PLXNA4: variants seen among roughly 807,000 people sequenced by gnomAD.
PLXNA4 encodes the protein plexin-A4.
A neutral mutation model predicts 191.8 loss-of-function variants in PLXNA4; 44 were observed. The observed-to-expected ratio is 0.23, with a 90% CI of 0.18 to 0.29. PLXNA4 has a LOEUF of 0.29. Ranked by LOEUF, PLXNA4 falls within the 10% of genes least tolerant of loss-of-function variation. PLXNA4 has a pLI of 1.00. For synonymous variants in PLXNA4, 1,082 were observed against 1,009.5 expected (o/e 1.07, Z -1.36); for missense variants, 1,800 against 2,488.8 (o/e 0.72, Z 5.89).
chr7:132,263,815 C>G (rs911349138), intron 4 of PLXNA4, among the ~76,000 whole-genome samples: 3 of 152,142 alleles, frequency 2.0e-5, no homozygotes, highest in African/African-American at 7.2e-5. Flanking sequence ...CAAGGAGTTG[C>G]TGGGTAGGTT....
intron 3 of PLXNA4, among the ~76,000 whole-genome samples, chr7:132,464,807 C>G (rs1796638857): frequency 6.6e-6 from 1 of 152,176 alleles, no homozygotes; most frequent in Non-Finnish European, 1.5e-5. Context: ...GCAAGCTCAG[C>G]GGACCTACCC....
rs866870302 is a variant in PLXNA4, at chr7:132,194,489, C to A, written c.2739-310G>T. Among the ~76,000 whole-genome samples the A allele has an allele frequency of 3.0e-4, 45 of 152,182 alleles. 1 individual carries two copies. The highest frequency in any genetic ancestry group is 1.1e-3 in the African/African-American group (44 of 41,438). On this transcript the variant is annotated intron_variant, in intron 13 of 31. Transcript: ENST00000321063. ...TGTCAACTAGACTGGAGGGCATGTTCTAGCCAAAACCCTTAGGGAATAGGG... is the reference window on the plus strand; with the variant it reads ...TGTCAACTAGACTGGAGGGCATGTTATAGCCAAAACCCTTAGGGAATAGGG...
intron 8 of PLXNA4, among the ~76,000 whole-genome samples, chr7:132,225,098 T>C (rs1408967427): frequency 1.3e-5 from 2 of 152,208 alleles, no homozygotes; most frequent in African/African-American, 4.8e-5. Flanking sequence ...CCATCTATTC[T>C]GTATATTGGG....
At chr7:132,299,985 G>A (rs1028026006) in intron 3 of PLXNA4, among the ~76,000 whole-genome samples, 1 of 152,170 alleles carries the variant, frequency 6.6e-6, no homozygotes, top group Non-Finnish European at 1.5e-5. Context: ...ACACAGAGAT[G>A]GGAAAATATT....
intron 2 of PLXNA4, among the ~76,000 whole-genome samples, chr7:132,493,569 T>C (rs118062232): frequency 3.3e-5 from 5 of 152,254 alleles, no homozygotes; most frequent in African/African-American, 4.8e-5. Flanking sequence ...CAAATTAAGA[T>C]GGCTGATCCA....
intron 14 of PLXNA4, among the ~76,000 whole-genome samples, chr7:132,189,010 GAGA>G (rs1796993629): frequency 2.9e-5 from 2 of 69,046 alleles, no homozygotes; most frequent in Admixed American, 1.5e-4. Context: ...GAGAGAGAGA[GAGA>G]GAGAGAGAGA....
chr7:132,433,407 A>C (rs1430570883), intron 3 of PLXNA4, among the ~76,000 whole-genome samples: 1 of 152,226 alleles, frequency 6.6e-6, no homozygotes, highest in Non-Finnish European at 1.5e-5. Flanking sequence ...TGCCAAACAC[A>C]GGTGGCTGGA....
chr7:132,248,979 A>G (rs914616662), intron 4 of PLXNA4, among the ~76,000 whole-genome samples: 4 of 152,198 alleles, frequency 2.6e-5, no homozygotes, highest in African/African-American at 7.2e-5. Context: ...TTGACGGCAG[A>G]CAGAGGCACA....
At chr7:132,351,923 C>T (rs1467038023) in intron 3 of PLXNA4, among the ~76,000 whole-genome samples, 1 of 152,130 alleles carries the variant, frequency 6.6e-6, no homozygotes, top group African/African-American at 2.4e-5. Flanking sequence ...TAAAAGGGGG[C>T]CAATTCCCTC....
chr7:132,492,492 C>G (rs1454717613), intron 2 of PLXNA4, among the ~76,000 whole-genome samples: 1 of 152,178 alleles, frequency 6.6e-6, no homozygotes, highest in East Asian at 1.9e-4. Context: ...ACAGATTTCT[C>G]CCTAAGTTTC....
intron 11 of PLXNA4, 124 bp from the exon 12 acceptor site, chr7:132,202,960 C>T: frequency 9.5e-7 from 1 of 1,051,178 alleles, no homozygotes. Context: ...CAGTTTTGCC[C>T]CCTTAGCCAT....
At chr7:132,230,416 C>T (rs767193306) in intron 5 of PLXNA4, among the ~76,000 whole-genome samples, 2 of 152,168 alleles carry the variant, frequency 1.3e-5, no homozygotes, top group Non-Finnish European at 2.9e-5. Flanking sequence ...GCTATTTTTG[C>T]CTGGCACTGG....
intron 27 of PLXNA4, 76 bp from the exon 28 acceptor site, chr7:132,146,776 G>A: frequency 6.4e-7 from 1 of 1,573,176 alleles, no homozygotes; most frequent in Non-Finnish European, 8.6e-7. Flanking sequence ...TGCATCCCTT[G>A]CTCCGGCAGA....
chr7:132,391,182 C>T (rs142645612), intron 3 of PLXNA4, among the ~76,000 whole-genome samples: 75 of 152,190 alleles, frequency 4.9e-4, no homozygotes, highest in South Asian at 3.9e-3. Context: ...GGTATGTGCA[C>T]GTGTGTGCAT....
In PLXNA4 at chr7:132,182,258, A is replaced by T. The variant is rs1796733968; in HGVS notation, c.3159-68T>A. ...GGAAGAGCAATGGCACTCTACAATG[A>T]TGACTGAGCTATGACAATAAGGACA... On this transcript the variant is annotated intron_variant, in intron 16 of 31. Coordinates refer to ENST00000321063, the MANE Select transcript of PLXNA4 (RefSeq NM_020911.2). 1.9e-6 allele frequency: 3 copies of T among 1,588,834 alleles called. No individual in the cohort carries two copies. In the East Asian group the frequency reaches 6.7e-5, roughly 36 times the overall value.
chr7:132,580,726 T>G (rs1435558462), upstream of PLXNA4, among the ~76,000 whole-genome samples: 3 of 152,212 alleles, frequency 2.0e-5, no homozygotes, highest in African/African-American at 7.2e-5. Context: ...AGTGCTGCTA[T>G]TTAAGTTGAT....
At chr7:132,178,713 T>TACACATACACAC (rs142378860) in intron 20 of PLXNA4, among the ~76,000 whole-genome samples, 18 of 112,102 alleles carry the variant, frequency 1.6e-4, no homozygotes, top group African/African-American at 4.1e-4. Context: ...CACATACACA[T>TACACATACACAC]ACACACACAC....
At chr7:132,206,523 A>G (rs1584843690) in intron 10 of PLXNA4, among the ~76,000 whole-genome samples, 1 of 152,248 alleles carries the variant, frequency 6.6e-6, no homozygotes, top group Non-Finnish European at 1.5e-5. Context: ...AAAATAAAAA[A>G]GACATTAGGA....
intron 22 of PLXNA4, 107 bp from the exon 23 acceptor site, chr7:132,165,307 C>T: frequency 1.4e-6 from 2 of 1,450,326 alleles, no homozygotes; most frequent in South Asian, 1.5e-5. Flanking sequence ...ATTGATCTTG[C>T]TGCTTCTAGC....
Sources: gnomAD v4.1 joint callset for allele counts (sites outside exome capture counted in the v4.1 genomes callset) on GRCh38, gnomAD v4.1.1 for gene constraint, MANE v1.5 for transcripts, NCBI Gene and HGNC (gene_info 2026-07-23, HGNC 2026-07-21) for gene names.